GALNS: variants seen among roughly 807,000 people sequenced by gnomAD.
GALNS encodes the protein galactosamine (N-acetyl)-6-sulfatase.
A neutral mutation model predicts 65.9 loss-of-function variants in GALNS; 65 were observed. The observed-to-expected ratio is 0.99, with a 90% CI of 0.81 to 1.21. GALNS has a LOEUF of 1.21. Among genes scored for constraint, GALNS ranks in the 50% most tolerant of loss-of-function variants. The pLI is 0.00. For missense variants in GALNS, 776 were observed against 700.7 expected (o/e 1.11, Z -1.21); for synonymous variants, 346 against 288.9 (o/e 1.20, Z -2.00).
At chr16:88,841,557 C>A (rs754048334) in intron 3 of GALNS, among the ~76,000 whole-genome samples, 17 of 152,204 alleles carry the variant, frequency 1.1e-4, no homozygotes, top group Non-Finnish European at 2.9e-5. Flanking sequence ...TCAAGCACAG[C>A]GATTCCAGAA....
intron 13 of GALNS, chr16:88,816,362 T>C (rs1909624532): frequency 1.4e-5 from 14 of 985,278 alleles, no homozygotes; most frequent in Non-Finnish European, 1.6e-5. Context: ...CCTCCACGGC[T>C]GGTGGCCCTG....
chr16:88,828,224 T>C (rs11648924), intron 9 of GALNS, among the ~76,000 whole-genome samples: 71,665 of 149,674 alleles, frequency 0.48, 17,686 homozygotes, highest in East Asian at 0.72. Flanking sequence ...GAAATCCAGA[T>C]GCTTTTGTCA....
In GALNS at chr16:88,856,929, T is replaced by C. The variant is rs962867799; in HGVS notation, c.-52A>G. 2 of 1,472,260 alleles carry C rather than the reference T, an allele frequency of 1.4e-6. No individual in the cohort carries two copies. The highest frequency in any genetic ancestry group is 2.9e-5 in the East Asian group (1 of 34,690). 91.2% of individuals were successfully genotyped at this position (1,472,260 alleles called of 1,614,324 possible). A position where few individuals can be genotyped will look rare whatever the true frequency, so the allele number is the denominator to read the frequency against. On this transcript the variant is annotated 5_prime_UTR_variant, in exon 1 of 14. Transcript: ENST00000268695. The stretch of plus-strand genomic sequence containing the variant: ...GGCCAGCGAGCCGACCTAGCGAGCG[T>C]CCGCCGGCCCTTCCGGCTGGGCTGC...
intron 9 of GALNS, 50 bp from the exon 10 acceptor site, chr16:88,826,888 G>A (rs774021820): frequency 1.3e-6 from 2 of 1,549,610 alleles, no homozygotes; most frequent in African/African-American, 2.7e-5. Flanking sequence ...CCGACCCGAT[G>A]GGGCTGGGGG....
intron 12 of GALNS, 36 bp from the exon 13 acceptor site, chr16:88,818,160 T>A (rs1156483750): frequency 1.3e-6 from 2 of 1,529,122 alleles, no homozygotes; most frequent in African/African-American, 2.7e-5. Context: ...CGGCTGGGGC[T>A]GACAGCGAAG....
intron 8 of GALNS, among the ~76,000 whole-genome samples, chr16:88,833,755 C>T (rs972862533): frequency 3.3e-5 from 5 of 152,188 alleles, no homozygotes; most frequent in African/African-American, 1.2e-4. Context: ...CAGCCCCCTC[C>T]CCTGCTTTCT....
chr16:88,814,346 G>T lies in GALNS; in HGVS notation c.*93C>A. Reference sequence around the variant, plus strand: ...GGTGCTGTCTGTCTGGCTTGGGCAGGGTTGGGGGAGGACCGAGGCCAGAGC... The same window carrying T: ...GGTGCTGTCTGTCTGGCTTGGGCAGTGTTGGGGGAGGACCGAGGCCAGAGC... On this transcript the variant is annotated 3_prime_UTR_variant, in exon 14 of 14. Coordinates refer to ENST00000268695, the MANE Select transcript of GALNS (RefSeq NM_000512.5). The T allele has an allele frequency of 1.3e-6, 2 of 1,505,160 alleles. No homozygotes were observed. The allele number at this position is 1,505,160 out of a possible 1,614,324, so 93.2% of individuals were successfully genotyped here.
chr16:88,843,514 A>G (rs934737937), intron 1 of GALNS: 1 of 314,578 alleles, frequency 3.2e-6, no homozygotes, highest in Non-Finnish European at 6.3e-6. Context: ...CTGCAGATGT[A>G]GTGAGCTAAG....
At chr16:88,814,624 C>T (rs1300946446) in intron 13 of GALNS, 99 bp from the exon 14 acceptor site, 3 of 1,534,712 alleles carry the variant, frequency 2.0e-6, no homozygotes, top group Non-Finnish European at 2.6e-6. Context: ...GAGACAGTCT[C>T]ACTCTGTCAC....
rs559417050 is a variant in GALNS at position 88,840,482 on chromosome 16, C to T, written c.422+510G>A. ...ACATCCTGTGCGCCTAAAACCGCAGCGTGGGGGCTGTGTAGCACCCAAGCT... is the reference window on the plus strand; with the variant it reads ...ACATCCTGTGCGCCTAAAACCGCAGTGTGGGGGCTGTGTAGCACCCAAGCT... On this transcript the variant is annotated intron_variant, in intron 4 of 13. Transcript: ENST00000268695. 1.5e-4 allele frequency: 31 copies of T among 201,582 alleles called. No individual in the cohort carries two copies. The South Asian group carries it at 1.9e-3, about 13-fold the overall frequency. 12.5% of individuals were successfully genotyped at this position (201,582 alleles called of 1,614,324 possible). A position where few individuals can be genotyped will look rare whatever the true frequency, so the allele number is the denominator to read the frequency against.
intron 8 of GALNS, among the ~76,000 whole-genome samples, chr16:88,834,180 C>T (rs1266850155): frequency 5.3e-5 from 8 of 152,366 alleles, no homozygotes; most frequent in Admixed American, 3.3e-4. Context: ...TCTGGTGGGA[C>T]GTGGCGCGAG....
chr16:88,814,375 C>A lies in GALNS; in HGVS notation c.*64G>T, dbSNP rs1030453691. 1.3e-6 allele frequency: 2 copies of A among 1,547,470 alleles called. No homozygotes were observed. Among genetic ancestry groups the A allele is most frequent in the African/African-American group, 1.4e-5 (1 of 72,958 alleles). On this transcript the variant is annotated 3_prime_UTR_variant, in exon 14 of 14. Coordinates refer to ENST00000268695, the MANE Select transcript of GALNS (RefSeq NM_000512.5). Reference sequence around the variant, plus strand: ...GGGGGAGGACCGAGGCCAGAGCCATCCTTCCTCCAGGCACTTGCAGGGCCA... The same window carrying A: ...GGGGGAGGACCGAGGCCAGAGCCATACTTCCTCCAGGCACTTGCAGGGCCA...
intron 9 of GALNS, 124 bp from the exon 10 acceptor site, chr16:88,826,962 A>C: frequency 3.4e-6 from 4 of 1,163,094 alleles, no homozygotes; most frequent in Non-Finnish European, 5.0e-6. Context: ...ATACATGCTC[A>C]CACGCCCACA....
intron 1 of GALNS, among the ~76,000 whole-genome samples, chr16:88,853,794 G>A (rs1334488622): frequency 6.6e-6 from 1 of 152,130 alleles, no homozygotes. Flanking sequence ...GCCAGGGCAG[G>A]GCAGCCCTGG....
chr16:88,824,778 T>A lies in GALNS; in HGVS notation c.1231A>T (p.Asn411Tyr), dbSNP rs549276063. 1 of 1,613,250 alleles carries A rather than the reference T, an allele frequency of 6.2e-7. No homozygotes were observed. The highest frequency in any genetic ancestry group is 2.2e-5 in the East Asian group (1 of 44,876). The change falls in exon 11 of 14, where the codon AAC (asparagine) becomes TAC (tyrosine). Residue 411 changes from asparagine to tyrosine, a missense_variant. Physicochemically the swap from Asn to Tyr is moderately radical, Grantham distance 143. Coordinates refer to ENST00000268695, the MANE Select transcript of GALNS (RefSeq NM_000512.5). ...HFWTWTNSWE[N>Y]FRQGIDFCPG... The stretch of plus-strand genomic sequence containing the variant: ...CCCGAGCCCTGTACCTGTCTGAAGT[T>A]CTCCCAGGAGTTGGTCCAGGTCCAG...
At chr16:88,824,958 C>A in intron 10 of GALNS, 89 bp from the exon 11 acceptor site, 2 of 991,864 alleles carry the variant, frequency 2.0e-6, no homozygotes, top group South Asian at 2.6e-5. Flanking sequence ...TCATCAGTGG[C>A]TCATGCCTCC....
intron 1 of GALNS, among the ~76,000 whole-genome samples, chr16:88,854,764 C>A (rs1435564970): frequency 6.6e-6 from 1 of 152,272 alleles, no homozygotes; most frequent in Non-Finnish European, 1.5e-5. Flanking sequence ...CCAGGCGGCC[C>A]TGGTCTGTCG....
Position 88,834,363 on chromosome 16 carries a change from C to G in GALNS, c.898+850G>C, listed in dbSNP as rs547214687. 1.3e-3 allele frequency among the ~76,000 whole-genome samples: 157 copies of G among 124,534 alleles called. 1 individual carries two copies. Among genetic ancestry groups the G allele is most frequent in the Non-Finnish European group, 1.7e-3 (99 of 57,858 alleles). 81.7% of individuals were successfully genotyped at this position (124,534 alleles called of 152,430 possible). ...CTGGGAAGAGGCTGCAGGGCCCCCC[C>G]CCGCGTGGTCTGGGAAGAGGCTGCA... On this transcript the variant is annotated intron_variant, in intron 8 of 13. Coordinates refer to ENST00000268695, the MANE Select transcript of GALNS (RefSeq NM_000512.5).
chr16:88,840,391 G>C (rs556609031), intron 4 of GALNS: 1 of 156,226 alleles, frequency 6.4e-6, no homozygotes, highest in Admixed American at 6.2e-5. Context: ...AGAGAAATTC[G>C]GGACAGGTGA....
Sources: gnomAD v4.1 joint callset for allele counts (sites outside exome capture counted in the v4.1 genomes callset) on GRCh38, gnomAD v4.1.1 for gene constraint, MANE v1.5 for transcripts, NCBI Gene and HGNC (gene_info 2026-07-23, HGNC 2026-07-21) for gene names.